Variants in SIDT2 observed in about 807,000 individuals in gnomAD.
SIDT2 encodes SID1 transmembrane family, member 2.
Under a neutral mutation model 114.4 loss-of-function variants are expected in SIDT2, and 68 were observed. That is an observed-to-expected ratio of 0.59 (90% CI 0.49 to 0.73). The LOEUF is 0.73. SIDT2 is among the 30% of genes least tolerant of loss of function. The pLI is 0.00. For missense variants in SIDT2, 918 were observed against 1,097.1 expected, an observed-to-expected ratio of 0.84 and a Z score of 2.31; for synonymous variants, 470 against 438.4, an observed-to-expected ratio of 1.07 and a Z score of -0.90.
At chr11:117,182,642 T>C in intron 5 of SIDT2, 22 bp downstream of exon 5, 1 of 1,614,144 alleles carries the variant, frequency 6.2e-7, no homozygotes, top group Non-Finnish European at 8.5e-7. Flanking sequence ...GCCCTTTTGC[T>C]CTTCCCCAGC....
chr11:117,179,490 G>A (rs772700107), intron 1 of SIDT2, 44 bp downstream of exon 1: 3 of 1,580,402 alleles, frequency 1.9e-6, no homozygotes, highest in Non-Finnish European at 2.6e-6. Context: ...TGGGGAAGCC[G>A]ACGAGGGCTA....
intron 5 of SIDT2, 37 bp downstream of exon 5, chr11:117,182,657 A>C: frequency 1.2e-6 from 2 of 1,613,966 alleles, no homozygotes; most frequent in Non-Finnish European, 1.7e-6. Context: ...CCCAGCAGGC[A>C]GCAGGGCTGC....
In SIDT2 at chr11:117,184,158, TGA is replaced by T. The variant is rs777555099; in HGVS notation, c.868+23_868+24del. 3.0e-5 allele frequency: 49 copies of T among 1,610,398 alleles called. 4 individuals carry two copies. The Admixed American group carries it at 3.2e-4, about 10-fold the overall frequency. On this transcript the variant is annotated intron_variant, in intron 8 of 25. Coordinates refer to ENST00000324225, the MANE Select transcript of SIDT2 (RefSeq NM_001040455.2). ...GTCACGTGTGAGTGCTGCAGGTGGC[TGA>T]GAGGGGATGGACAAGCCTCTCTGGC...
In SIDT2 at chr11:117,192,962, T is replaced by C; in HGVS notation, c.2105+96T>C. On this transcript the variant is annotated intron_variant, in intron 22 of 25. Coordinates refer to ENST00000324225, the MANE Select transcript of SIDT2 (RefSeq NM_001040455.2). This position sits in a 1 kb window ranked among gnomAD's most constrained non-coding sequence, Gnocchi z 5.9. ...GGGGGCTAAGGACAACTTCCAAATG[T>C]TGGGCATAAGACATGGGGGCTAAGA... 1 of 1,522,822 alleles carries C rather than the reference T, an allele frequency of 6.6e-7. No individual in the cohort carries two copies. The highest frequency in any genetic ancestry group is 1.1e-5 in the South Asian group (1 of 89,204). The allele number at this position is 1,522,822 out of a possible 1,614,324, so 94.3% of individuals were successfully genotyped here. A position where few individuals can be genotyped will look rare whatever the true frequency, so the allele number is the denominator to read the frequency against.
At chr11:117,182,355 A>T in intron 4 of SIDT2, 164 bp from the exon 5 acceptor site, 1 of 725,750 alleles carries the variant, frequency 1.4e-6, no homozygotes, top group Non-Finnish European at 2.3e-6. Context: ...AATGGTATAC[A>T]GAGAAAGGGG....
At chr11:117,189,650 G>A (rs1013451778) in intron 15 of SIDT2, 11 of 602,328 alleles carry the variant, frequency 1.8e-5, no homozygotes, top group South Asian at 4.0e-5. Flanking sequence ...TGCGGATTAT[G>A]AAACCAAAGT....
intron 10 of SIDT2, 29 bp from the exon 11 acceptor site, chr11:117,187,349 T>C: frequency 6.2e-7 from 1 of 1,608,228 alleles, no homozygotes; most frequent in Non-Finnish European, 8.5e-7. Flanking sequence ...CTTCGTCCAG[T>C]GCTAACAGAC....
rs1165041942 is a variant in SIDT2, at chr11:117,192,232, GC to G, written c.1873-19del. 1 of 1,526,602 alleles carries G rather than the reference GC, an allele frequency of 6.6e-7. No individual in the cohort carries two copies. The highest frequency in any genetic ancestry group is 9.1e-7 in the Non-Finnish European group (1 of 1,100,722). The allele number at this position is 1,526,602 out of a possible 1,614,324, so 94.6% of individuals were successfully genotyped here. On this transcript the variant is annotated intron_variant, in intron 19 of 25. Coordinates refer to ENST00000324225, the MANE Select transcript of SIDT2 (RefSeq NM_001040455.2). The surrounding 1 kb of genome is among the most constrained non-coding windows in gnomAD (Gnocchi z 5.9). ...CACTTCCCTCTCCACCCTCACCGCTGCCCTTGGTGGCCTCCCGACAGGTCTT... is the reference window on the plus strand; with the variant it reads ...CACTTCCCTCTCCACCCTCACCGCTGCCTTGGTGGCCTCCCGACAGGTCTT...
intron 8 of SIDT2, among the ~76,000 whole-genome samples, chr11:117,184,737 T>A (rs1206239424): frequency 6.6e-6 from 1 of 152,100 alleles, no homozygotes. Context: ...CCTCTCTTTC[T>A]TTTTTTGAGA....
At chr11:117,180,503 A>G (rs887822484) in intron 1 of SIDT2, among the ~76,000 whole-genome samples, 1 of 144,570 alleles carries the variant, frequency 6.9e-6, no homozygotes, top group Non-Finnish European at 1.5e-5. Flanking sequence ...ATGTTCCTTC[A>G]TAGCTCCAAG....
At chr11:117,187,034 G>C (rs985298411) in intron 10 of SIDT2, 21 of 1,455,610 alleles carry the variant, frequency 1.4e-5, no homozygotes, top group Non-Finnish European at 1.9e-5. Flanking sequence ...AGAGGAGCTG[G>C]AGTCCAGAGT....
rs754959788 is a variant in SIDT2 at position 117,191,901 on chromosome 11, G to A, written c.1759G>A (p.Ala587Thr). ...QFDTSFMYMI[A>T]GLCMLKLYQK... ...AGACACATCGTTCATGTACATGATC[G>A]CCGGACTCTGCATGCTGAAGCTCTA... Residue 587 changes from alanine to threonine, a missense_variant, in exon 19 of 26, where the codon GCC becomes ACC. Physicochemically the swap from Ala to Thr is moderately conservative, Grantham distance 58 (BLOSUM62 0). This residue lies in a region of SIDT2 where 275 missense variants were observed against 397.6 expected (regional missense o/e 0.69). Coordinates refer to ENST00000324225, the MANE Select transcript of SIDT2 (RefSeq NM_001040455.2). 1.1e-5 allele frequency: 18 copies of A among 1,614,010 alleles called. No individual in the cohort carries two copies. The highest frequency in any genetic ancestry group is 4.0e-5 in the African/African-American group (3 of 74,972).
chr11:117,180,619 T>A (rs574007310), intron 1 of SIDT2, among the ~76,000 whole-genome samples: 48 of 136,178 alleles, frequency 3.5e-4, no homozygotes, highest in African/African-American at 1.2e-3. Context: ...CACTGCAACC[T>A]CCGCCTTCCC....
Position 117,188,963 on chromosome 11 carries a change from G to A in SIDT2, c.1278+137G>A, listed in dbSNP as rs1033592617. On this transcript the variant is annotated intron_variant, in intron 13 of 25. Coordinates refer to ENST00000324225, the MANE Select transcript of SIDT2 (RefSeq NM_001040455.2). The surrounding 1 kb of genome is among the most constrained non-coding windows in gnomAD (Gnocchi z 4.0). ...GCTCAGCTGGGGCAGGGCAGATGCC[G>A]GGGAAACTAACCTGACCTCCAACCC... is the stretch of plus-strand genomic sequence containing the variant. 26 of 1,039,706 alleles carry A rather than the reference G, an allele frequency of 2.5e-5. No homozygotes were observed. In the East Asian group the frequency reaches 4.5e-4, roughly 18 times the overall value. 64.4% of individuals were successfully genotyped at this position (1,039,706 alleles called of 1,614,324 possible).
At position 117,181,441 on chromosome 11, in the gene SIDT2, A is replaced by G. The variant is rs1269002868; in HGVS notation, c.209A>G (p.Asn70Ser). 1.9e-6 allele frequency: 3 copies of G among 1,613,522 alleles called. No homozygotes were observed. The highest frequency in any genetic ancestry group is 1.1e-5 in the South Asian group (1 of 91,042). ...NRTEGVRVSV[N>S]VLNKQKGAPL... is the part of the protein sequence containing the mutation. ...ACAGAGGGCGTGCGTGTGTCTGTGA[A>G]CGTCCTGAACAAGCAGAAGGGGGCG... Residue 70 changes from asparagine (N) to serine (S), a missense_variant, in exon 2 of 26, where the codon AAC (asparagine) becomes AGC (serine). Physicochemically the swap from Asn to Ser is conservative, Grantham distance 46. Transcript: ENST00000324225.
intron 23 of SIDT2, 25 bp from the exon 24 acceptor site, chr11:117,193,828 G>A (rs370052259): frequency 1.3e-5 from 21 of 1,574,770 alleles, no homozygotes; most frequent in Non-Finnish European, 1.7e-5. Context: ...CCCTCAGACT[G>A]CTGTCCCTGC....
At position 117,186,355 on chromosome 11, in the gene SIDT2, G is replaced by A. The variant is rs533174344; in HGVS notation, c.962+132G>A. The A allele has an allele frequency of 1.7e-4, 146 of 874,066 alleles. 1 individual carries two copies. Among genetic ancestry groups the A allele is most frequent in the Non-Finnish European group, 2.3e-4 (127 of 544,524 alleles). 54.1% of individuals were successfully genotyped at this position (874,066 alleles called of 1,614,324 possible). On this transcript the variant is annotated intron_variant, in intron 9 of 25. Transcript: ENST00000324225. ...ATAGCAGATGATGGTGGGGCTGTTA[G>A]AGTCTGTGGCCCATGAGCCTCTCTA...
Position 117,190,282 on chromosome 11 carries a change from G to C in SIDT2, c.1610G>C (p.Cys537Ser). The change falls in exon 17 of 26, where the codon TGT becomes TCT. Residue 537 changes from cysteine to serine, a missense_variant. By Grantham distance (112) the Cys-to-Ser change is moderately radical. Around this residue, in one of 4 missense-constraint regions of SIDT2, gnomAD observed 72 missense variants for 59.9 expected, o/e 1.20. Coordinates refer to ENST00000324225, the MANE Select transcript of SIDT2 (RefSeq NM_001040455.2). This position sits in a 1 kb window ranked among gnomAD's most constrained non-coding sequence, Gnocchi z 4.1. ...HNRALLRNDL[C>S]ALECGIPKHF... ...CGGGCCCTGCTGCGCAATGACCTCTGTGCCCTGGTAAGGGAGCACCTGCCT... is the reference window on the plus strand; with the variant it reads ...CGGGCCCTGCTGCGCAATGACCTCTCTGCCCTGGTAAGGGAGCACCTGCCT... 1.9e-6 allele frequency: 3 copies of C among 1,539,446 alleles called. No homozygotes were observed. Among genetic ancestry groups the C allele is most frequent in the South Asian group, 2.6e-5 (2 of 78,368 alleles).
At chr11:117,193,063 C>A in intron 22 of SIDT2, 90 bp from the exon 23 acceptor site, 1 of 1,442,478 alleles carries the variant, frequency 6.9e-7, no homozygotes, top group Non-Finnish European at 9.8e-7. Context: ...CACAGCCCAA[C>A]ATCATAATAA....
Sources: gnomAD v4.1 joint callset for allele counts (sites outside exome capture counted in the v4.1 genomes callset) on GRCh38, gnomAD v4.1.1 for gene constraint, gnomAD v4.1.1 regional missense constraint, Gnocchi (gnomAD v3.1) non-coding constraint, MANE v1.5 for transcripts, NCBI Gene and HGNC (gene_info 2026-07-23, HGNC 2026-07-21) for gene names.